Variants in C1QTNF6 observed in about 807,000 individuals in gnomAD.
The protein encoded by C1QTNF6 is complement C1q tumor necrosis factor-related protein 6.
C1QTNF6 carries 17 observed loss-of-function variants against 20.7 expected under a neutral mutation model. That is an observed-to-expected ratio of 0.82 (90% confidence interval 0.56 to 1.23). The LOEUF (loss-of-function observed/expected upper bound fraction) is 1.23, where lower values mean the gene tolerates loss of function less well. Among genes scored for constraint, C1QTNF6 ranks in the 50% most tolerant of loss-of-function variants. The pLI is 0.00. For missense variants in C1QTNF6, 329 were observed against 389.7 expected (o/e 0.84, Z 1.31); for synonymous variants, 130 against 156.3 (o/e 0.83, Z 1.25).
chr22:37,197,376 A>C (rs1191923774), intron 1 of C1QTNF6: 1 of 152,304 alleles, frequency 6.6e-6, no homozygotes, highest in Non-Finnish European at 1.5e-5. Context: ...GCCTGGCTCC[A>C]AGCCTTCGGG....
In C1QTNF6 at chr22:37,184,765, G is replaced by A. The variant is rs1232622534; in HGVS notation, c.289+453C>T. On this transcript the variant is annotated intron_variant, in intron 2 of 2. Coordinates refer to ENST00000337843, the MANE Select transcript of C1QTNF6 (RefSeq NM_031910.4). This position sits in a 1 kb window ranked among gnomAD's most constrained non-coding sequence, Gnocchi z 4.0. ...GCACCCCATGTGATCTGAGCCTGGT[G>A]CATCTCCCGGCCCTGCCCCAGGGCC... Among the ~76,000 whole-genome samples, 1 of 152,128 alleles carries A rather than the reference G, an allele frequency of 6.6e-6. No homozygotes were observed. The highest frequency in any genetic ancestry group is 1.5e-5 in the Non-Finnish European group (1 of 68,020).
chr22:37,194,666 C>T (rs1192200257), intron 2 of C1QTNF6, among the ~76,000 whole-genome samples: 1 of 152,210 alleles, frequency 6.6e-6, no homozygotes, highest in Non-Finnish European at 1.5e-5. Context: ...CATGGGGAAA[C>T]CAAATTAACA....
chr22:37,186,939 G>A (rs992308861), intron 1 of C1QTNF6, among the ~76,000 whole-genome samples: 3 of 152,200 alleles, frequency 2.0e-5, no homozygotes, highest in Admixed American at 6.5e-5. Context: ...AGGATGGCCA[G>A]GTGCAGTGAC....
chr22:37,185,970 G>A (rs1402087547), intron 1 of C1QTNF6: 2 of 985,674 alleles, frequency 2.0e-6, no homozygotes, highest in Non-Finnish European at 2.4e-6. Context: ...GGACAAACGT[G>A]GAGGGTTCTG....
At chr22:37,189,304 T>C (rs560660983), upstream of C1QTNF6, among the ~76,000 whole-genome samples, 3 of 152,218 alleles carry the variant, frequency 2.0e-5, no homozygotes, top group East Asian at 3.8e-4. Flanking sequence ...TACCGCATAC[T>C]GTTTCTCAGC....
chr22:37,188,066 A>C (rs1413120161), intron 1 of C1QTNF6, 97 bp downstream of exon 1: 1 of 1,305,066 alleles, frequency 7.7e-7, no homozygotes, highest in African/African-American at 1.5e-5. Context: ...AGAGGGAGAG[A>C]GCAGGGCCCG....
chr22:37,181,935 C>T lies in C1QTNF6; in HGVS notation c.*253G>A. The T allele has an allele frequency of 2.0e-6, 1 of 512,034 alleles. No individual in the cohort carries two copies. The highest frequency in any genetic ancestry group is 2.7e-5 in the South Asian group (1 of 37,324). The allele number at this position is 512,034 out of a possible 1,614,324, so 31.7% of individuals were successfully genotyped here. ...CATGCATTTCCAAGTTTGAGAAGTG[C>T]TGGGCTACGAGGCTGGGAAAGTTCT... On this transcript the variant is annotated 3_prime_UTR_variant, in exon 3 of 3. Transcript: ENST00000337843.
At position 37,182,540 on chromosome 22, in the gene C1QTNF6, G is replaced by A. The variant is rs528699550; in HGVS notation, c.485C>T (p.Thr162Met). 9.0e-5 allele frequency: 146 copies of A among 1,614,232 alleles called. No homozygotes were observed. The highest frequency in any genetic ancestry group is 4.9e-4 in the South Asian group (45 of 91,092). Residue 162 changes from threonine to methionine, a missense_variant, in exon 3 of 3, where the codon ACG becomes ATG. By Grantham distance (81) the Thr-to-Met change is moderately conservative. Transcript: ENST00000337843. ...TALHSGEDFQ[T>M]LLFERVFVNL... ...CACAAAGACCCTTTCGAAGAGCAGC[G>A]TCTGGAAGTCCTCGCCGCTGTGCAG... is the stretch of plus-strand genomic sequence containing the variant.
intron 1 of C1QTNF6, chr22:37,185,852 T>C: frequency 1.0e-6 from 1 of 991,926 alleles, no homozygotes; most frequent in Non-Finnish European, 1.2e-6. Flanking sequence ...GACCGTCAGA[T>C]GCTTTCCCGC....
chr22:37,189,401 A>G (rs1924663995), upstream of C1QTNF6, among the ~76,000 whole-genome samples: 1 of 152,136 alleles, frequency 6.6e-6, no homozygotes, highest in South Asian at 2.1e-4. Context: ...CCTCCTGGGA[A>G]TGCAGCCTGG....
At chr22:37,191,378 A>T (rs1299428048), upstream of C1QTNF6, among the ~76,000 whole-genome samples, 3 of 152,208 alleles carry the variant, frequency 2.0e-5, no homozygotes, top group Non-Finnish European at 4.4e-5. Flanking sequence ...TATTTATATA[A>T]ACACAGCCCA....
rs2145757171 is a variant in C1QTNF6, at chr22:37,182,435, A to T, written c.590T>A (p.Val197Glu). The change falls in exon 3 of 3, where the codon GTG becomes GAG. Residue 197 changes from valine to glutamate, a missense_variant. Coordinates refer to ENST00000337843, the MANE Select transcript of C1QTNF6 (RefSeq NM_031910.4). ...LRGIYFFSLN[V>E]HSWNYKETYV... ...CGTCTCCTTGTAATTCCAGCTGTGC[A>T]CATTGAGGCTGAAGAAGTAGATGCC... The T allele has an allele frequency of 6.2e-7, 1 of 1,614,266 alleles. No individual in the cohort carries two copies. Among genetic ancestry groups the T allele is most frequent in the South Asian group, 1.1e-5 (1 of 91,088 alleles).
At chr22:37,195,077 C>T (rs373288951) in intron 2 of C1QTNF6, among the ~76,000 whole-genome samples, 2 of 152,222 alleles carry the variant, frequency 1.3e-5, no homozygotes, top group African/African-American at 4.8e-5. Context: ...CCCCATGTCC[C>T]ATGATCCTGT....
chr22:37,184,505 G>GACA lies in C1QTNF6; in HGVS notation c.289+712_289+713insTGT. 1.4e-6 allele frequency: 1 copy of GACA among 700,810 alleles called. No individual in the cohort carries two copies. Among genetic ancestry groups the GACA allele is most frequent in the Non-Finnish European group, 2.6e-6 (1 of 378,744 alleles). The allele number at this position is 700,810 out of a possible 1,614,324, so 43.4% of individuals were successfully genotyped here. ...CACCTGGATGCCTTTCACCTGGACG[G>GACA]GCCCTCACCTGGACAGCCCTCACCT... On this transcript the variant is annotated intron_variant, in intron 2 of 2. Coordinates refer to ENST00000337843, the MANE Select transcript of C1QTNF6 (RefSeq NM_031910.4). This position sits in a 1 kb window ranked among gnomAD's most constrained non-coding sequence, Gnocchi z 4.0.
In C1QTNF6 at chr22:37,181,826, GAACATATGAGA is replaced by G. The variant is rs1231182892; in HGVS notation, c.*351_*361del. The G allele has an allele frequency of 2.2e-5, 6 of 273,616 alleles. No individual in the cohort carries two copies. Among genetic ancestry groups the G allele is most frequent in the Non-Finnish European group, 4.2e-5 (6 of 143,494 alleles). 16.9% of individuals were successfully genotyped at this position (273,616 alleles called of 1,614,324 possible). A position where few individuals can be genotyped will look rare whatever the true frequency, so the allele number is the denominator to read the frequency against. ...GACTGACCCCATCAGCATCACCCAG[GAACATATGAGA>G]AACACAGAATCCTGGACCCACTCAG... is the stretch of plus-strand genomic sequence containing the variant. On this transcript the variant is annotated 3_prime_UTR_variant, in exon 3 of 3. Coordinates refer to ENST00000337843, the MANE Select transcript of C1QTNF6 (RefSeq NM_031910.4).
At chr22:37,198,651 C>CCCCCGCGCCCGGGAACCCGGGACGCT (rs1569073784), upstream of C1QTNF6, among the ~76,000 whole-genome samples, 1 of 152,186 alleles carries the variant, frequency 6.6e-6, no homozygotes, top group East Asian at 1.9e-4. Flanking sequence ...CTGGGCAGAG[C>CCCCCGCGCCCGGGAACCCGGGACGCT]CCCCGCGCCC....
At chr22:37,188,965 A>T (rs956711575), upstream of C1QTNF6, among the ~76,000 whole-genome samples, 1 of 152,188 alleles carries the variant, frequency 6.6e-6, no homozygotes, top group Non-Finnish European at 1.5e-5. Context: ...GAAACAAAAG[A>T]ATGGCTACTC....
At chr22:37,195,209 G>A (rs963389540) in intron 2 of C1QTNF6, among the ~76,000 whole-genome samples, 8 of 152,192 alleles carry the variant, frequency 5.3e-5, no homozygotes, top group East Asian at 1.9e-4. Context: ...GGACATGACC[G>A]AGGGGGACCT....
chr22:37,194,018 T>C (rs962034338), intron 2 of C1QTNF6, among the ~76,000 whole-genome samples: 2 of 152,202 alleles, frequency 1.3e-5, no homozygotes, highest in African/African-American at 4.8e-5. Flanking sequence ...CAAAGGCTTT[T>C]AACTGCTCAG....
Sources: allele counts gnomAD v4.1 joint callset (sites outside exome capture counted in the v4.1 genomes callset), GRCh38; gene constraint gnomAD v4.1.1; non-coding constraint Gnocchi (gnomAD v3.1); transcripts MANE v1.5; gene names NCBI Gene and HGNC (gene_info 2026-07-23, HGNC 2026-07-21).